The following CDH3 variants were observed in gnomAD, a reference collection of about 807,000 sequenced individuals.
The protein encoded by CDH3 is cadherin 3.
Under a neutral mutation model 82.0 loss-of-function variants are expected in CDH3, and 54 were observed. The observed-to-expected ratio is 0.66, with a 90% CI of 0.53 to 0.83. The LOEUF is 0.83. Ranked by LOEUF, CDH3 falls within the 40% of genes least tolerant of loss-of-function variation. The pLI is 0.00. For missense variants in CDH3, 1,054 were observed against 1,084.6 expected (o/e 0.97, Z 0.40); for synonymous variants, 446 against 437.9 (o/e 1.02, Z -0.23).
At chr16:68,653,274 T>G (rs1208663975) in intron 2 of CDH3, among the ~76,000 whole-genome samples, 1 of 152,156 alleles carries the variant, frequency 6.6e-6, no homozygotes, top group African/African-American at 2.4e-5. Flanking sequence ...AGTTTTGCTC[T>G]TGCCCAGGCT....
chr16:68,713,679 A>G (rs1962059895), intron 1 of CDH3, among the ~76,000 whole-genome samples: 1 of 152,114 alleles, frequency 6.6e-6, no homozygotes, highest in Non-Finnish European at 1.5e-5. Flanking sequence ...CTACTGGACA[A>G]GGGCCAAGCA....
chr16:68,697,597 G>A (rs549993113), intron 15 of CDH3, among the ~76,000 whole-genome samples: 53 of 152,300 alleles, frequency 3.5e-4, no homozygotes, highest in African/African-American at 1.2e-3. Context: ...TCCAAAGATT[G>A]TGATATAATT....
At chr16:68,679,142 G>A (rs978715043) in intron 6 of CDH3, among the ~76,000 whole-genome samples, 1 of 152,188 alleles carries the variant, frequency 6.6e-6, no homozygotes, top group Non-Finnish European at 1.5e-5. Flanking sequence ...GCCAAGCTTG[G>A]GAACCACTAG....
At chr16:68,680,014 G>A in intron 7 of CDH3, 40 bp downstream of exon 7, 1 of 1,594,768 alleles carries the variant, frequency 6.3e-7, no homozygotes, top group Non-Finnish European at 8.6e-7. Context: ...ACCCAGACTT[G>A]CCCAGGCTGG....
At chr16:68,697,937 T>C (rs1239090383) in intron 15 of CDH3, among the ~76,000 whole-genome samples, 1 of 152,148 alleles carries the variant, frequency 6.6e-6, no homozygotes, top group Non-Finnish European at 1.5e-5. Flanking sequence ...ACAAAGCTAG[T>C]GTGTGGTGTG....
At chr16:68,671,423 C>A (rs536303955) in intron 2 of CDH3, among the ~76,000 whole-genome samples, 5 of 151,996 alleles carry the variant, frequency 3.3e-5, no homozygotes, top group South Asian at 2.1e-4. Flanking sequence ...TTCACATAGT[C>A]TTCCCTCTGT....
At chr16:68,720,098 A>G (rs1366525622) in intron 1 of CDH3, among the ~76,000 whole-genome samples, 1 of 152,128 alleles carries the variant, frequency 6.6e-6, no homozygotes, top group Non-Finnish European at 1.5e-5. Context: ...TCGAGGCTGC[A>G]GTAAGCCATG....
intron 2 of CDH3, among the ~76,000 whole-genome samples, chr16:68,668,182 T>A (rs534766772): frequency 3.3e-4 from 50 of 152,352 alleles, no homozygotes; most frequent in Admixed American, 2.4e-3. Flanking sequence ...GAGCTATGTT[T>A]AGGCTTTCAT....
At chr16:68,647,928 C>T (rs899860289) in intron 2 of CDH3, among the ~76,000 whole-genome samples, 6 of 152,276 alleles carry the variant, frequency 3.9e-5, no homozygotes, top group African/African-American at 1.2e-4. Flanking sequence ...TTGTTCGCCC[C>T]TGGGTTATGA....
chr16:68,661,430 T>C (rs1299200334), intron 2 of CDH3, among the ~76,000 whole-genome samples: 1 of 152,194 alleles, frequency 6.6e-6, no homozygotes, highest in Non-Finnish European at 1.5e-5. Context: ...AGTTTGTGTA[T>C]GAAACGGCAT....
chr16:68,689,477 A>C (rs1266479200), intron 12 of CDH3, among the ~76,000 whole-genome samples: 1 of 152,024 alleles, frequency 6.6e-6, no homozygotes, highest in East Asian at 1.9e-4. Context: ...TGGAAGTTGC[A>C]GTGAGCCAAG....
chr16:68,731,368 CAAAAAAA>C (rs869074059), downstream of CDH3, among the ~76,000 whole-genome samples: 30 of 2,250 alleles, frequency 0.013, 1 homozygote, highest in East Asian at 0.031. Flanking sequence ...AACTCCGTCT[CAAAAAAA>C]AAAAAAAAAA....
chr16:68,729,356 T>G (rs926113309), downstream of CDH3, among the ~76,000 whole-genome samples: 2 of 152,228 alleles, frequency 1.3e-5, no homozygotes, highest in African/African-American at 4.8e-5. Flanking sequence ...CCCTGTGTGT[T>G]TTTTGTTTTG....
downstream of CDH3, among the ~76,000 whole-genome samples, chr16:68,731,491 CAT>C (rs1423319391): frequency 5.4e-4 from 19 of 35,310 alleles, no homozygotes; most frequent in East Asian, 1.1e-3. Flanking sequence ...CGTATATACA[CAT>C]ATATATATAC....
chr16:68,674,132 C>G (rs1275155040), intron 2 of CDH3, among the ~76,000 whole-genome samples: 2 of 152,182 alleles, frequency 1.3e-5, no homozygotes, highest in Non-Finnish European at 2.9e-5. Flanking sequence ...GTGGCTGCAT[C>G]ATTTCACATT....
chr16:68,689,155 A>G (rs566657940), intron 12 of CDH3, among the ~76,000 whole-genome samples: 1 of 152,256 alleles, frequency 6.6e-6, no homozygotes, highest in East Asian at 1.9e-4. Context: ...CTAAGCCTCA[A>G]TTTCTGCATT....
downstream of CDH3, among the ~76,000 whole-genome samples, chr16:68,729,241 G>T (rs1962259237): frequency 6.6e-6 from 1 of 152,190 alleles, no homozygotes; most frequent in Non-Finnish European, 1.5e-5. Context: ...GGAGGCGGAG[G>T]TTGCAGTGAG....
chr16:68,684,504 C>G, intron 9 of CDH3, 79 bp from the exon 10 acceptor site: 2 of 1,561,596 alleles, frequency 1.3e-6, no homozygotes, highest in Non-Finnish European at 1.8e-6. Context: ...TTGGTGTTTT[C>G]CTTCTCACAT....
chr16:68,670,223 C>CA lies in CDH3; in HGVS notation c.161-6141dup, dbSNP rs71148932. 3.4e-3 allele frequency among the ~76,000 whole-genome samples: 306 copies of CA among 90,954 alleles called. 5 individuals are homozygous for CA. The highest frequency in any genetic ancestry group is 9.6e-3 in the African/African-American group (231 of 24,062). 59.7% of individuals were successfully genotyped at this position (90,954 alleles called of 152,430 possible). On this transcript the variant is annotated intron_variant, in intron 2 of 15. Transcript: ENST00000264012. ...TGGGCAACAGAGCAAGACTCTGTCT[C>CA]AAAAAAAAAAAAAAAAAAAAAGAAC...
Sources: gnomAD v4.1 joint callset for allele counts (sites outside exome capture counted in the v4.1 genomes callset) on GRCh38, gnomAD v4.1.1 for gene constraint, MANE v1.5 for transcripts, NCBI Gene and HGNC (gene_info 2026-07-23, HGNC 2026-07-21) for gene names.